The following ENPP2 variants were observed in gnomAD, a reference collection of about 807,000 sequenced individuals.
ENPP2 encodes the protein autotaxin.
Under a neutral mutation model 120.2 loss-of-function variants are expected in ENPP2, and 51 were observed. That is an observed-to-expected ratio of 0.42 (90% CI 0.34 to 0.54). ENPP2 has a LOEUF of 0.54. ENPP2 is among the 20% of genes least tolerant of loss of function. ENPP2 has a pLI of 0.04. For synonymous variants in ENPP2, 365 were observed against 366.4 expected (o/e 1.00, Z 0.04); for missense variants, 920 against 1,066.5 (o/e 0.86, Z 1.91).
chr8:119,596,920 C>T (rs1813935394), intron 11 of ENPP2, among the ~76,000 whole-genome samples: 1 of 151,812 alleles, frequency 6.6e-6, no homozygotes, highest in South Asian at 2.1e-4. Context: ...AAAACAGGCC[C>T]CTGATTTGCT....
chr8:119,595,071 G>A (rs1445338573), intron 11 of ENPP2, among the ~76,000 whole-genome samples: 3 of 152,206 alleles, frequency 2.0e-5, no homozygotes, highest in Admixed American at 2.0e-4. Context: ...AGTGGTATTT[G>A]CTTCTGAGAA....
intron 9 of ENPP2, among the ~76,000 whole-genome samples, chr8:119,603,734 T>A (rs1003833601): frequency 6.6e-6 from 1 of 152,196 alleles, no homozygotes. Flanking sequence ...AGAGATGATA[T>A]ATTCATTCAC....
At chr8:119,561,123 T>A (rs16892751) in intron 24 of ENPP2, among the ~76,000 whole-genome samples, 4,834 of 152,342 alleles carry the variant, frequency 0.032, 265 homozygotes, top group African/African-American at 0.11. Context: ...TCTAATATTC[T>A]GGCAAAACTT....
At chr8:119,574,806 T>A (rs964985306) in intron 19 of ENPP2, among the ~76,000 whole-genome samples, 1 of 152,226 alleles carries the variant, frequency 6.6e-6, no homozygotes, top group African/African-American at 2.4e-5. Flanking sequence ...TTCCTTTTCT[T>A]GCATACTTTC....
In ENPP2 at chr8:119,570,876, A is replaced by G. The variant is rs372149226; in HGVS notation, c.1781-35T>C. Reference sequence around the variant, plus strand: ...AAAAAAAATAAACTGTGTTAGGTGCATATTAAATTTTACATCAAATGTTAA... The same window carrying G: ...AAAAAAAATAAACTGTGTTAGGTGCGTATTAAATTTTACATCAAATGTTAA... On this transcript the variant is annotated intron_variant, in intron 19 of 24. Coordinates refer to ENST00000075322, the MANE Select transcript of ENPP2 (RefSeq NM_001040092.3). 15 of 1,411,024 alleles carry G rather than the reference A, an allele frequency of 1.1e-5. No individual in the cohort carries two copies. The African/African-American group carries it at 1.9e-4, about 18-fold the overall frequency. The allele number at this position is 1,411,024 out of a possible 1,614,324, so 87.4% of individuals were successfully genotyped here.
chr8:119,605,428 A>ATGTGTGTGTGTGTGTGTGTG lies in ENPP2; in HGVS notation c.833+2493_833+2494insCACACACACACACACACACA, dbSNP rs557037737. 6.6e-5 allele frequency among the ~76,000 whole-genome samples: 9 copies of ATGTGTGTGTGTGTGTGTGTG among 135,460 alleles called. No individual in the cohort carries two copies. In the East Asian group the frequency reaches 8.8e-4, roughly 13 times the overall value. 88.9% of individuals were successfully genotyped at this position (135,460 alleles called of 152,430 possible). ...CAACATCCCATGATGAAGATACCAT[A>ATGTGTGTGTGTGTGTGTGTG]TATGTGTGTGTGTGTGTGTGTGTGT... On this transcript the variant is annotated intron_variant, in intron 9 of 24. Transcript: ENST00000075322.
At chr8:119,620,185 A>G (rs1386076827) in intron 4 of ENPP2, among the ~76,000 whole-genome samples, 1 of 152,214 alleles carries the variant, frequency 6.6e-6, no homozygotes, top group Non-Finnish European at 1.5e-5. Context: ...AAGTACTGAA[A>G]CTAGAATTTT....
chr8:119,622,094 A>G (rs955291210), intron 3 of ENPP2, among the ~76,000 whole-genome samples: 2 of 151,988 alleles, frequency 1.3e-5, no homozygotes, highest in Admixed American at 6.6e-5. Context: ...ACGTCTGGCT[A>G]ATTTTTGTAT....
At chr8:119,624,216 T>C (rs1255062805) in intron 3 of ENPP2, among the ~76,000 whole-genome samples, 1 of 152,124 alleles carries the variant, frequency 6.6e-6, no homozygotes, top group Non-Finnish European at 1.5e-5. Flanking sequence ...ACAAATGAAA[T>C]ATAAAATAAA....
At chr8:119,627,094 C>A (rs547830295) in intron 2 of ENPP2, among the ~76,000 whole-genome samples, 1 of 152,000 alleles carries the variant, frequency 6.6e-6, no homozygotes, top group African/African-American at 2.4e-5. Flanking sequence ...TGGGTGCTAA[C>A]GATGACCACA....
At chr8:119,581,479 A>G (rs1812731929) in intron 18 of ENPP2, among the ~76,000 whole-genome samples, 1 of 151,940 alleles carries the variant, frequency 6.6e-6, no homozygotes, top group Non-Finnish European at 1.5e-5. Flanking sequence ...ACAGGGGAGG[A>G]AGATGACGGT....
rs377496166 is a variant in ENPP2, at chr8:119,646,384, G to A, written c.22-7857C>T. On this transcript the variant is annotated intron_variant, in intron 1 of 25. Coordinates refer to the ENPP2 transcript ENST00000427067. ...CTGGAAACTTGTTAGAAGTGCAAATGCTTGGAGCCTGCCTCATACCTACTG... is the reference window on the plus strand; with the variant it reads ...CTGGAAACTTGTTAGAAGTGCAAATACTTGGAGCCTGCCTCATACCTACTG... Among the ~76,000 whole-genome samples the A allele has an allele frequency of 2.6e-5, 4 of 152,266 alleles. No individual in the cohort carries two copies. In the East Asian group the frequency reaches 5.8e-4, roughly 22 times the overall value.
intron 22 of ENPP2, among the ~76,000 whole-genome samples, chr8:119,565,712 T>C (rs1814360919): frequency 7.5e-6 from 1 of 132,592 alleles, no homozygotes; most frequent in Non-Finnish European, 1.6e-5. Context: ...TATCCTGGTC[T>C]AACTTACCAT....
chr8:119,639,415 A>C (rs975945733), upstream of ENPP2, among the ~76,000 whole-genome samples: 5 of 152,206 alleles, frequency 3.3e-5, no homozygotes, highest in Admixed American at 2.0e-4. Flanking sequence ...GAAATTTCGC[A>C]AAATTGTAAC....
chr8:119,595,473 C>T (rs1195686033), intron 11 of ENPP2, among the ~76,000 whole-genome samples: 1 of 152,130 alleles, frequency 6.6e-6, no homozygotes, highest in African/African-American at 2.4e-5. Context: ...AGTTCTAATC[C>T]ACATTGTCTT....
intron 1 of ENPP2, among the ~76,000 whole-genome samples, chr8:119,665,238 A>G (rs1818035658): frequency 6.6e-6 from 1 of 152,212 alleles, no homozygotes; most frequent in Admixed American, 6.5e-5. Context: ...AACCCATAAC[A>G]ACATCTTTCG....
At chr8:119,641,096 C>A (rs1185559122), upstream of ENPP2, among the ~76,000 whole-genome samples, 1 of 152,158 alleles carries the variant, frequency 6.6e-6, no homozygotes, top group African/African-American at 2.4e-5. Flanking sequence ...TTGTCTTTTA[C>A]CAGCTTGTTG....
intron 2 of ENPP2, among the ~76,000 whole-genome samples, chr8:119,633,018 G>T (rs1007110642): frequency 2.6e-5 from 4 of 152,206 alleles, no homozygotes; most frequent in Admixed American, 2.6e-4. Context: ...TCATGCCATT[G>T]CACTCCAGCC....
At chr8:119,631,604 G>A (rs1314906474) in intron 2 of ENPP2, among the ~76,000 whole-genome samples, 1 of 152,014 alleles carries the variant, frequency 6.6e-6, no homozygotes, top group East Asian at 1.9e-4. Flanking sequence ...CCATCTTGAT[G>A]AGTGTACAAA....
Sources: allele counts gnomAD v4.1 joint callset (sites outside exome capture counted in the v4.1 genomes callset), GRCh38; gene constraint gnomAD v4.1.1; transcripts MANE v1.5; gene names NCBI Gene and HGNC (gene_info 2026-07-23, HGNC 2026-07-21).